CAPZA1: variants seen among roughly 807,000 people sequenced by gnomAD.
CAPZA1 encodes the protein capping actin protein of muscle Z-line subunit alpha 1.
In CAPZA1, 10 loss-of-function variants were observed where a neutral mutation model predicts 40.8. That is an observed-to-expected ratio of 0.25 (90% confidence interval 0.15 to 0.42). CAPZA1 has a LOEUF of 0.42. Ranked by LOEUF, CAPZA1 falls within the 10% of genes least tolerant of loss-of-function variation. The pLI is 1.00. For synonymous variants in CAPZA1, 98 were observed against 115.0 expected, an observed-to-expected ratio of 0.85 and a Z score of 0.95; for missense variants, 277 against 353.8, an observed-to-expected ratio of 0.78 and a Z score of 1.74.
At chr1:112,637,848 A>G (rs536992083) in intron 1 of CAPZA1, among the ~76,000 whole-genome samples, 34 of 152,330 alleles carry the variant, frequency 2.2e-4, no homozygotes, top group Non-Finnish European at 4.1e-4. Flanking sequence ...AAATTACATG[A>G]AATACAAATT....
intron 5 of CAPZA1, among the ~76,000 whole-genome samples, chr1:112,657,528 C>T (rs1274130614): frequency 6.6e-6 from 1 of 152,172 alleles, no homozygotes; most frequent in South Asian, 2.1e-4. Flanking sequence ...TGGCATTTCA[C>T]ACTGAAGCCA....
intron 5 of CAPZA1, 65 bp downstream of exon 5, chr1:112,654,736 C>T: frequency 9.4e-7 from 1 of 1,060,492 alleles, no homozygotes. Context: ...CCTTTGGAGG[C>T]TTTGGCCTAC....
chr1:112,629,277 A>G (rs1670874676), intron 1 of CAPZA1, among the ~76,000 whole-genome samples: 1 of 152,122 alleles, frequency 6.6e-6, no homozygotes, highest in South Asian at 2.1e-4. Flanking sequence ...CTCATTTCAG[A>G]TACTTAACCA....
At chr1:112,667,047 A>AATT in intron 7 of CAPZA1, 27 bp from the exon 8 acceptor site, 1 of 1,571,692 alleles carries the variant, frequency 6.4e-7, no homozygotes, top group African/African-American at 1.4e-5. Flanking sequence ...ACTTCCCCTA[A>AATT]AAAGGCTCAA....
In CAPZA1 at chr1:112,670,884, A is replaced by G. The variant is rs1292168690; in HGVS notation, c.*752A>G. The G allele has an allele frequency of 6.6e-6, 1 of 152,576 alleles. No homozygotes were observed. Among genetic ancestry groups the G allele is most frequent in the East Asian group, 1.9e-4 (1 of 5,200 alleles). The allele number at this position is 152,576 out of a possible 1,614,324, so 9.5% of individuals were successfully genotyped here. On this transcript the variant is annotated 3_prime_UTR_variant, in exon 10 of 10. Transcript: ENST00000263168. ...TTTTTTAGAAGCATTTTACCCATTT[A>G]TTTTTTTAAACATTCAAGAACTGCT... is the stretch of plus-strand genomic sequence containing the variant.
chr1:112,624,548 C>T lies in CAPZA1; in HGVS notation c.39+4665C>T, dbSNP rs545737490. 3.1e-5 allele frequency among the ~76,000 whole-genome samples: 4 copies of T among 129,882 alleles called. No homozygotes were observed. The South Asian group carries it at 9.6e-4, about 31-fold the overall frequency. 85.2% of individuals were successfully genotyped at this position (129,882 alleles called of 152,430 possible). ...GCTTGAACCCAGGAGGCGGAGGTTGCAGTGAGCCGAGATCGCGCCATTGCA... is the reference window on the plus strand; with the variant it reads ...GCTTGAACCCAGGAGGCGGAGGTTGTAGTGAGCCGAGATCGCGCCATTGCA... On this transcript the variant is annotated intron_variant, in intron 1 of 9. Coordinates refer to ENST00000263168, the MANE Select transcript of CAPZA1 (RefSeq NM_006135.3).
At chr1:112,661,772 A>G (rs1245345608) in intron 7 of CAPZA1, among the ~76,000 whole-genome samples, 1 of 152,260 alleles carries the variant, frequency 6.6e-6, no homozygotes, top group Non-Finnish European at 1.5e-5. Flanking sequence ...ATAAGAGCAC[A>G]CATCACAAAG....
intron 1 of CAPZA1, among the ~76,000 whole-genome samples, chr1:112,640,560 C>T (rs1303600263): frequency 6.9e-6 from 1 of 144,104 alleles, no homozygotes; most frequent in Non-Finnish European, 1.5e-5. Context: ...AAGTGAGGAG[C>T]CCCCTGCCCG....
At chr1:112,643,510 A>G (rs1336724778) in intron 1 of CAPZA1, among the ~76,000 whole-genome samples, 1 of 152,202 alleles carries the variant, frequency 6.6e-6, no homozygotes, top group Non-Finnish European at 1.5e-5. Context: ...TTTGTCTTCC[A>G]AGTCTTAAAA....
At chr1:112,627,709 T>C (rs1670842251) in intron 1 of CAPZA1, among the ~76,000 whole-genome samples, 1 of 145,358 alleles carries the variant, frequency 6.9e-6, no homozygotes, top group Non-Finnish European at 1.5e-5. Flanking sequence ...TCCCAGCACT[T>C]TGGGACTTTG....
rs58051216 is a variant in CAPZA1, at chr1:112,670,362, CTTTTTT to C, written c.*244_*249del. ...TATATCTACGTGTAAATCTTTTTTTCTTTTTTTTTTTTTTTTTTTGGTTAATTCTGC... is the reference window on the plus strand; with the variant it reads ...TATATCTACGTGTAAATCTTTTTTTCTTTTTTTTTTTTTGGTTAATTCTGC... On this transcript the variant is annotated 3_prime_UTR_variant, in exon 10 of 10. Transcript: ENST00000263168. 18 of 150,222 alleles carry C rather than the reference CTTTTTT, an allele frequency of 1.2e-4. No individual in the cohort carries two copies. The highest frequency in any genetic ancestry group is 5.5e-4 in the East Asian group (3 of 5,478). 9.3% of individuals were successfully genotyped at this position (150,222 alleles called of 1,614,324 possible). A position where few individuals can be genotyped will look rare whatever the true frequency, so the allele number is the denominator to read the frequency against.
chr1:112,655,936 T>A (rs1027725804), intron 5 of CAPZA1, among the ~76,000 whole-genome samples: 5 of 152,206 alleles, frequency 3.3e-5, no homozygotes, highest in African/African-American at 1.2e-4. Context: ...TATAAAATTA[T>A]GGCATATTAA....
chr1:112,650,709 G>A (rs1350427356), intron 3 of CAPZA1, among the ~76,000 whole-genome samples: 1 of 152,236 alleles, frequency 6.6e-6, no homozygotes, highest in East Asian at 1.9e-4. Context: ...TGCTCTGTAC[G>A]TCACTTGATA....
At chr1:112,627,787 C>A (rs1420661795) in intron 1 of CAPZA1, among the ~76,000 whole-genome samples, 2 of 151,878 alleles carry the variant, frequency 1.3e-5, no homozygotes, top group Admixed American at 6.6e-5. Context: ...ATGGAGAAAC[C>A]CCGTCTCTAC....
At chr1:112,651,716 CATTT>C (rs1191824473) in intron 3 of CAPZA1, among the ~76,000 whole-genome samples, 1 of 151,514 alleles carries the variant, frequency 6.6e-6, no homozygotes, top group Admixed American at 6.6e-5. Flanking sequence ...TTTAAACTAA[CATTT>C]ATTCTACTTT....
At chr1:112,641,247 GAA>G (rs200438877) in intron 1 of CAPZA1, among the ~76,000 whole-genome samples, 2 of 149,564 alleles carry the variant, frequency 1.3e-5, no homozygotes, top group African/African-American at 4.9e-5. Flanking sequence ...ATAAATAATT[GAA>G]AAAAAAAATT....
chr1:112,649,410 C>G lies in CAPZA1; in HGVS notation c.104-8C>G, dbSNP rs1177939062. On this transcript the variant is annotated splice_region_variant and splice_polypyrimidine_tract_variant and intron_variant, in intron 2 of 9. Coordinates refer to ENST00000263168, the MANE Select transcript of CAPZA1 (RefSeq NM_006135.3). ...TCCACTGAACATTGTAACATTTTTC[C>G]TCCTCAGACGTTCGGCTACTACTTA... The G allele has an allele frequency of 6.2e-7, 1 of 1,608,472 alleles. No homozygotes were observed. The highest frequency in any genetic ancestry group is 8.5e-7 in the Non-Finnish European group (1 of 1,175,844).
chr1:112,642,202 CTTTTTTTTTTT>C (rs770352173), intron 1 of CAPZA1, among the ~76,000 whole-genome samples: 1 of 59,008 alleles, frequency 1.7e-5, no homozygotes, highest in African/African-American at 7.2e-5. Flanking sequence ...TACCCCGCAC[CTTTTTTTTTTT>C]TTTTTTTTTT....
intron 7 of CAPZA1, among the ~76,000 whole-genome samples, chr1:112,663,517 A>C (rs1671660901): frequency 6.6e-6 from 1 of 151,704 alleles, no homozygotes; most frequent in Non-Finnish European, 1.5e-5. Flanking sequence ...TCTTGTCTCC[A>C]GTGGATTCCA....
Sources: gnomAD v4.1 joint callset for allele counts (sites outside exome capture counted in the v4.1 genomes callset) on GRCh38, gnomAD v4.1.1 for gene constraint, MANE v1.5 for transcripts, NCBI Gene and HGNC (gene_info 2026-07-23, HGNC 2026-07-21) for gene names.